The following ZNF536 variants were observed in gnomAD, a reference collection of about 807,000 sequenced individuals.
The protein encoded by ZNF536 is zinc finger protein 536.
A neutral mutation model predicts 84.5 loss-of-function variants in ZNF536; 13 were observed. That is an observed-to-expected ratio of 0.15 (90% CI 0.10 to 0.24). The LOEUF (loss-of-function observed/expected upper bound fraction) is 0.24, where lower values mean the gene tolerates loss of function less well. Among genes scored for constraint, ZNF536 ranks in the 10% least tolerant of loss-of-function variants. ZNF536 has a pLI of 1.00. For synonymous variants in ZNF536, 811 were observed against 742.5 expected, an observed-to-expected ratio of 1.09 and a Z score of -1.50; for missense variants, 1,536 against 1,747.5, an observed-to-expected ratio of 0.88 and a Z score of 2.16.
chr19:30,412,068 A>T (rs949441252), intron 1 of ZNF536, among the ~76,000 whole-genome samples: 2 of 151,634 alleles, frequency 1.3e-5, no homozygotes, highest in Admixed American at 1.3e-4. Context: ...GAAAGTGATC[A>T]TTTTCAGTAT....
intron 1 of ZNF536, among the ~76,000 whole-genome samples, chr19:30,274,425 T>TA (rs1304442678): frequency 1.3e-5 from 2 of 152,222 alleles, no homozygotes; most frequent in African/African-American, 4.8e-5. Context: ...TTTCAACACA[T>TA]AAAAAGTATA....
At chr19:30,466,791 A>G (rs1875536442) in intron 2 of ZNF536, among the ~76,000 whole-genome samples, 1 of 140,104 alleles carries the variant, frequency 7.1e-6, no homozygotes, top group African/African-American at 2.7e-5. Flanking sequence ...GAAGGAAGGA[A>G]GGAAGGAAGG....
intron 2 of ZNF536, among the ~76,000 whole-genome samples, chr19:30,446,734 A>T (rs2052366144): frequency 6.6e-6 from 1 of 152,108 alleles, no homozygotes; most frequent in Non-Finnish European, 1.5e-5. Context: ...TGGGGTCTAA[A>T]ATAGCAAAGC....
rs578225983 is a variant in ZNF536, at chr19:30,349,342, C to T, written c.-119-3026C>T. Among the ~76,000 whole-genome samples the T allele has an allele frequency of 3.3e-5, 5 of 152,310 alleles. No homozygotes were observed. In the East Asian group the frequency reaches 7.7e-4, roughly 24 times the overall value. On this transcript the variant is annotated intron_variant, in intron 2 of 5. Coordinates refer to the ZNF536 transcript ENST00000585628. ...TTCCAGATGTTTATGGCCTTGACCC[C>T]GGTGTGAATGTCATCCCTCCCTGCA...
intron 2 of ZNF536, among the ~76,000 whole-genome samples, chr19:30,456,075 A>G (rs571830959): frequency 2.6e-5 from 4 of 152,326 alleles, no homozygotes; most frequent in South Asian, 2.1e-4. Context: ...TGGTATTTCA[A>G]TAAAACTTTA....
chr19:30,517,814 C>G (rs553268257), intron 2 of ZNF536, among the ~76,000 whole-genome samples: 3 of 152,110 alleles, frequency 2.0e-5, no homozygotes, highest in South Asian at 4.2e-4. Context: ...TACATACAAA[C>G]AAAAAAACAA....
intron 2 of ZNF536, among the ~76,000 whole-genome samples, chr19:30,466,570 G>A (rs1210482468): frequency 8.0e-6 from 1 of 125,542 alleles, no homozygotes; most frequent in Non-Finnish European, 1.6e-5. Flanking sequence ...TAGAAAGAAA[G>A]AAAGAAAGAA....
chr19:30,479,609 G>A (rs777417047), intron 2 of ZNF536, among the ~76,000 whole-genome samples: 16 of 152,182 alleles, frequency 1.1e-4, no homozygotes, highest in Non-Finnish European at 1.6e-4. Flanking sequence ...TCATTCAGGG[G>A]CCCTCACGCA....
chr19:30,286,202 T>G (rs2045619643), intron 2 of ZNF536, among the ~76,000 whole-genome samples: 1 of 152,140 alleles, frequency 6.6e-6, no homozygotes, highest in African/African-American at 2.4e-5. Flanking sequence ...GGCTTTAAAA[T>G]CTGTGTCAAC....
intron 1 of ZNF536, among the ~76,000 whole-genome samples, chr19:30,672,027 C>A (rs998254087): frequency 1.5e-4 from 23 of 152,240 alleles, no homozygotes; most frequent in African/African-American, 5.3e-4. Context: ...AAGGCTATGT[C>A]ACTCACTGGG....
At chr19:30,241,535 G>A (rs1178797646) in intron 1 of ZNF536, among the ~76,000 whole-genome samples, 6 of 152,204 alleles carry the variant, frequency 3.9e-5, no homozygotes, top group Non-Finnish European at 8.8e-5. Flanking sequence ...TCCAGGCTAA[G>A]GGAAGGGCAA....
chr19:30,662,911 A>G (rs1424929754), intron 1 of ZNF536, among the ~76,000 whole-genome samples: 1 of 151,906 alleles, frequency 6.6e-6, no homozygotes, highest in Non-Finnish European at 1.5e-5. Flanking sequence ...CTTAAAGAAA[A>G]AAGGGAAAAT....
chr19:30,682,368 T>C (rs929736070), intron 1 of ZNF536, among the ~76,000 whole-genome samples: 6 of 152,134 alleles, frequency 3.9e-5, no homozygotes, highest in Non-Finnish European at 7.3e-5. Flanking sequence ...AATTGGTTTC[T>C]CTCCCAGAAT....
At chr19:30,358,873 T>C (rs1329997475) in intron 3 of ZNF536, among the ~76,000 whole-genome samples, 1 of 152,224 alleles carries the variant, frequency 6.6e-6, no homozygotes, top group Admixed American at 6.5e-5. Flanking sequence ...ACTCTGCTCC[T>C]GAATGTGTTC....
chr19:30,239,181 C>T (rs2023758655), intron 1 of ZNF536, among the ~76,000 whole-genome samples: 1 of 152,170 alleles, frequency 6.6e-6, no homozygotes, highest in African/African-American at 2.4e-5. Flanking sequence ...CTCCATCTTC[C>T]CCGGGGAAAT....
chr19:30,470,119 C>T (rs1186545463), intron 2 of ZNF536, among the ~76,000 whole-genome samples: 1 of 152,156 alleles, frequency 6.6e-6, no homozygotes, highest in Non-Finnish European at 1.5e-5. Flanking sequence ...GGAGGCTGTG[C>T]GATTCCAGGG....
chr19:30,358,708 T>A (rs898355901), intron 3 of ZNF536, among the ~76,000 whole-genome samples: 7 of 152,224 alleles, frequency 4.6e-5, no homozygotes, highest in Non-Finnish European at 1.0e-4. Context: ...CGGGATGCAA[T>A]CAGGCCAGGA....
intron 1 of ZNF536, among the ~76,000 whole-genome samples, chr19:30,567,101 C>T (rs930847873): frequency 9.9e-5 from 15 of 152,208 alleles, no homozygotes; most frequent in Admixed American, 7.8e-4. Context: ...CCTCACCTTG[C>T]GGGTGCTTTT....
intron 1 of ZNF536, among the ~76,000 whole-genome samples, chr19:30,696,056 G>C (rs1273057204): frequency 1.3e-5 from 2 of 152,130 alleles, no homozygotes; most frequent in Non-Finnish European, 1.5e-5. Flanking sequence ...AAATTAATTG[G>C]TTAAAAACTT....
Sources: gnomAD v4.1 joint callset for allele counts (sites outside exome capture counted in the v4.1 genomes callset) on GRCh38, gnomAD v4.1.1 for gene constraint, MANE v1.5 for transcripts, NCBI Gene and HGNC (gene_info 2026-07-23, HGNC 2026-07-21) for gene names.